Variants in CELF3 observed in about 807,000 individuals in gnomAD.
The protein encoded by CELF3 is CAG repeat domain.
A neutral mutation model predicts 59.6 loss-of-function variants in CELF3; 26 were observed. The observed-to-expected ratio is 0.44, with a 90% CI of 0.32 to 0.61. The LOEUF (loss-of-function observed/expected upper bound fraction) is 0.61. Ranked by LOEUF, CELF3 falls within the 20% of genes least tolerant of loss-of-function variation. CELF3 has a pLI of 0.06. For missense variants in CELF3, 387 were observed against 627.2 expected (o/e 0.62, Z 4.09); for synonymous variants, 245 against 250.7 (o/e 0.98, Z 0.22).
chr1:151,710,027 G>A (rs3762300), intron 2 of CELF3: 59,752 of 550,320 alleles, frequency 0.11, 3,472 homozygotes, highest in South Asian at 0.13. Flanking sequence ...GCTCAGGTTG[G>A]GCTCCTGATG....
Position 151,707,246 on chromosome 1 carries a change from G to A in CELF3, c.821C>T (p.Pro274Leu), listed in dbSNP as rs1289895615. The change falls in exon 8 of 13, where the codon CCG becomes CTG. Residue 274 changes from proline to leucine, a missense_variant. Pro to Leu is a moderately conservative substitution (Grantham distance 98). Transcript: ENST00000290583. ...GTAGCCGTTGACGCCCAGGGCAGCCGGAATGGCAGAGACAGGCGTGGCAGC... is the reference window on the plus strand; with the variant it reads ...GTAGCCGTTGACGCCCAGGGCAGCCAGAATGGCAGAGACAGGCGTGGCAGC... ...AIAATPVSAIPAALGVNGYSP... is the reference protein window; with the variant it reads ...AIAATPVSAILAALGVNGYSP... 1 of 1,559,140 alleles carries A rather than the reference G, an allele frequency of 6.4e-7. No individual in the cohort carries two copies. Among genetic ancestry groups the A allele is most frequent in the Non-Finnish European group, 8.7e-7 (1 of 1,154,876 alleles).
intron 2 of CELF3, chr1:151,710,643 G>T (rs1203390176): frequency 4.4e-6 from 2 of 456,442 alleles, no homozygotes; most frequent in South Asian, 1.5e-5. Context: ...AATCCTTGGT[G>T]CCTGGAGGGC....
Position 151,705,921 on chromosome 1 carries a change from A to T in CELF3, c.1171T>A (p.Phe391Ile). The T allele has an allele frequency of 6.2e-7, 1 of 1,613,910 alleles. No individual in the cohort carries two copies. The highest frequency in any genetic ancestry group is 1.7e-5 in the Admixed American group (1 of 60,008). The change falls in exon 11 of 13, where the codon TTC becomes ATC. Residue 391 changes from phenylalanine to isoleucine, a missense_variant. Transcript: ENST00000290583. This position sits in a 1 kb window ranked among gnomAD's most constrained non-coding sequence, Gnocchi z 5.1. Reference sequence around the variant, plus strand: ...ATCTGGAGGATCTCTGAGTCAGTGAACTCCTGGGGCAGGTGGTAGATGAAG... The same window carrying T: ...ATCTGGAGGATCTCTGAGTCAGTGATCTCCTGGGGCAGGTGGTAGATGAAG... ...NIFIYHLPQE[F>I]TDSEILQMFV... is the part of the protein sequence containing the mutation.
At chr1:151,715,780 C>A in intron 1 of CELF3, 96 bp downstream of exon 1, 6 of 1,592,082 alleles carry the variant, frequency 3.8e-6, no homozygotes, top group Non-Finnish European at 4.3e-6. Flanking sequence ...CCTTCCACAT[C>A]AGCCCTTCCC....
chr1:151,706,075 C>CT (rs1405000461), intron 10 of CELF3, 110 bp from the exon 11 acceptor site: 1 of 1,590,004 alleles, frequency 6.3e-7, no homozygotes. Context: ...AGTCCCAGTC[C>CT]TTGACAGTGT....
Position 151,714,318 on chromosome 1 carries a change from T to C in CELF3, c.228+276A>G, listed in dbSNP as rs373422244. The C allele has an allele frequency of 2.7e-5, 16 of 599,900 alleles. No individual in the cohort carries two copies. The East Asian group carries it at 2.8e-4, about 10-fold the overall frequency. The allele number at this position is 599,900 out of a possible 1,614,324, so 37.2% of individuals were successfully genotyped here. ...CCTTCCAACCAGCGAGTCCTCCCTC[T>C]AGTGTTGCCCCATGGGCAGCTTGGG... On this transcript the variant is annotated intron_variant, in intron 2 of 12. Transcript: ENST00000290583.
At chr1:151,712,400 T>C (rs993977963) in intron 2 of CELF3, among the ~76,000 whole-genome samples, 1 of 152,244 alleles carries the variant, frequency 6.6e-6, no homozygotes, top group Non-Finnish European at 1.5e-5. Context: ...CCTGGGGTCC[T>C]GCCACTCCTG....
chr1:151,706,458 C>A, intron 9 of CELF3, 97 bp from the exon 10 acceptor site: 1 of 1,333,608 alleles, frequency 7.5e-7, no homozygotes, highest in African/African-American at 1.5e-5. Context: ...AGGCCAGTGG[C>A]ACCTGCAGGG....
At chr1:151,715,736 C>T (rs927825330) in intron 1 of CELF3, 140 bp downstream of exon 1, 45 of 1,587,706 alleles carry the variant, frequency 2.8e-5, no homozygotes, top group Middle Eastern at 1.7e-4. Flanking sequence ...TTTTTCAGCT[C>T]CTCCATCCAC....
intron 2 of CELF3, chr1:151,710,891 G>C: frequency 2.2e-6 from 1 of 455,076 alleles, no homozygotes. Flanking sequence ...ACTGGAGAAA[G>C]AGGAGAAGGA....
chr1:151,709,634 T>C lies in CELF3; in HGVS notation c.277+109A>G. Reference sequence around the variant, plus strand: ...CCTATCTCACCGCAGCTGGGAACTCTTCAGAATCATCAGGCTTTCTCCCTC... The same window carrying C: ...CCTATCTCACCGCAGCTGGGAACTCCTCAGAATCATCAGGCTTTCTCCCTC... On this transcript the variant is annotated intron_variant, in intron 3 of 12. Transcript: ENST00000290583. This position sits in a 1 kb window ranked among gnomAD's most constrained non-coding sequence, Gnocchi z 4.9. 8.3e-7 allele frequency: 1 copy of C among 1,208,360 alleles called. No individual in the cohort carries two copies. Among genetic ancestry groups the C allele is most frequent in the Non-Finnish European group, 1.2e-6 (1 of 813,442 alleles). The allele number at this position is 1,208,360 out of a possible 1,614,324, so 74.9% of individuals were successfully genotyped here.
At chr1:151,708,052 G>A in intron 5 of CELF3, 117 bp from the exon 6 acceptor site, 3 of 1,182,926 alleles carry the variant, frequency 2.5e-6, no homozygotes, top group East Asian at 2.5e-5. Context: ...CTCTGAGAGG[G>A]CGGCCACCAT....
chr1:151,711,624 C>T (rs576067366), intron 2 of CELF3, among the ~76,000 whole-genome samples: 1 of 152,348 alleles, frequency 6.6e-6, no homozygotes, highest in East Asian at 1.9e-4. Context: ...CAAAGCGTGT[C>T]GTGGGGGCAG....
chr1:151,703,336 G>A lies in CELF3; in HGVS notation c.*123C>T, dbSNP rs1023006295. The A allele has an allele frequency of 8.9e-6, 4 of 451,014 alleles. No individual in the cohort carries two copies. The highest frequency in any genetic ancestry group is 4.0e-5 in the African/African-American group (2 of 49,966). 27.9% of individuals were successfully genotyped at this position (451,014 alleles called of 1,614,324 possible). On this transcript the variant is annotated 3_prime_UTR_variant, in exon 13 of 13. Coordinates refer to ENST00000290583, the MANE Select transcript of CELF3 (RefSeq NM_007185.7). ...GGTGTCTTGTGCCCCCGGGGGCCAC[G>A]AAGCAGCGTTTGCCCCAGAACCCAG...
chr1:151,703,751 CAACA>C lies in CELF3; in HGVS notation c.*11-307_*11-304del, dbSNP rs202148171. ...GAGGGGGAGAGAGGCAAAGAGATGA[CAACA>C]GACAGGCAGGCAGAGAAATCGAGAG... On this transcript the variant is annotated intron_variant, in intron 12 of 12. Coordinates refer to ENST00000290583, the MANE Select transcript of CELF3 (RefSeq NM_007185.7). Among the ~76,000 whole-genome samples the C allele has an allele frequency of 2.0e-3, 308 of 152,012 alleles. 2 individuals carry two copies. Among genetic ancestry groups the C allele is most frequent in the African/African-American group, 7.0e-3 (288 of 41,372 alleles).
rs1672481882 is a variant in CELF3 at position 151,705,981 on chromosome 1, G to A, written c.1127-16C>T. 1.2e-6 allele frequency: 2 copies of A among 1,613,578 alleles called. No individual in the cohort carries two copies. The highest frequency in any genetic ancestry group is 1.7e-6 in the Non-Finnish European group (2 of 1,179,716). Reference sequence around the variant, plus strand: ...CCATCAGGGCCTGGGTGGCGACAGAGACAGAAGAAAGAGCTCAGTGACTGG... The same window carrying A: ...CCATCAGGGCCTGGGTGGCGACAGAAACAGAAGAAAGAGCTCAGTGACTGG... On this transcript the variant is annotated splice_polypyrimidine_tract_variant and intron_variant, in intron 10 of 12. Transcript: ENST00000290583. The surrounding 1 kb of genome is among the most constrained non-coding windows in gnomAD (Gnocchi z 5.1).
chr1:151,716,442 G>A lies in CELF3; in HGVS notation c.-422C>T. On this transcript the variant is annotated 5_prime_UTR_variant, in exon 1 of 13. Transcript: ENST00000290583. The stretch of plus-strand genomic sequence containing the variant: ...TGAGGAGGGTGATGGGGAGGAGACT[G>A]AGGGGTTAAGGGGCCTGCTATGGTT... 3.4e-6 allele frequency: 1 copy of A among 294,142 alleles called. No homozygotes were observed. Among genetic ancestry groups the A allele is most frequent in the Non-Finnish European group, 6.7e-6 (1 of 148,352 alleles). 18.2% of individuals were successfully genotyped at this position (294,142 alleles called of 1,614,324 possible).
chr1:151,706,391 G>A, intron 9 of CELF3, 30 bp from the exon 10 acceptor site: 1 of 1,522,740 alleles, frequency 6.6e-7, no homozygotes, highest in African/African-American at 1.4e-5. Flanking sequence ...GAGGCTGATG[G>A]GGCTTCCCTG....
intron 12 of CELF3, among the ~76,000 whole-genome samples, chr1:151,703,829 A>G (rs375301163): frequency 2.1e-4 from 32 of 152,268 alleles, no homozygotes; most frequent in Non-Finnish European, 2.6e-4. Context: ...TGGAAAAAGA[A>G]AGGGAACACC....
Sources: gnomAD v4.1 joint callset for allele counts (sites outside exome capture counted in the v4.1 genomes callset) on GRCh38, gnomAD v4.1.1 for gene constraint, Gnocchi (gnomAD v3.1) non-coding constraint, MANE v1.5 for transcripts, NCBI Gene and HGNC (gene_info 2026-07-23, HGNC 2026-07-21) for gene names.